The following PLEKHM2 variants were observed in gnomAD, a reference collection of about 807,000 sequenced individuals.
The protein encoded by PLEKHM2 is pleckstrin homology and RUN domain containing M2, also known as pleckstrin homology domain-containing family M member 2.
PLEKHM2 carries 77 observed loss-of-function variants against 116.3 expected under a neutral mutation model. The observed-to-expected ratio is 0.66, with a 90% CI of 0.55 to 0.80. The LOEUF is 0.80. PLEKHM2 is among the 30% of genes least tolerant of loss of function. PLEKHM2 has a pLI of 0.00. For synonymous variants in PLEKHM2, 562 were observed against 571.0 expected, an observed-to-expected ratio of 0.98 and a Z score of 0.22; for missense variants, 1,183 against 1,354.9, an observed-to-expected ratio of 0.87 and a Z score of 1.99.
intron 3 of PLEKHM2, among the ~76,000 whole-genome samples, chr1:15,717,179 G>A (rs1351979481): frequency 6.6e-6 from 1 of 152,202 alleles, no homozygotes; most frequent in Non-Finnish European, 1.5e-5. Flanking sequence ...GAGCCCCGGA[G>A]TTTGAGGCTG....
At chr1:15,709,426 G>A (rs1382634882) in intron 1 of PLEKHM2, among the ~76,000 whole-genome samples, 3 of 152,182 alleles carry the variant, frequency 2.0e-5, no homozygotes, top group African/African-American at 4.8e-5. Flanking sequence ...GAGTGCCACT[G>A]CTGTTTATTT....
intron 16 of PLEKHM2, among the ~76,000 whole-genome samples, chr1:15,731,460 T>G (rs2068142345): frequency 6.6e-6 from 1 of 152,094 alleles, no homozygotes; most frequent in South Asian, 2.1e-4. Context: ...AAGGAGCTCC[T>G]GGCTTAGAAC....
At chr1:15,694,348 C>CA (rs796565464) in intron 1 of PLEKHM2, among the ~76,000 whole-genome samples, 4,667 of 145,210 alleles carry the variant, frequency 0.032, 216 homozygotes, top group African/African-American at 0.1. Flanking sequence ...GACTCCATCT[C>CA]AAAAAAAAAA....
rs191378037 is a variant in PLEKHM2, at chr1:15,731,319, A to T, written c.2465+62A>T. On this transcript the variant is annotated intron_variant, in intron 16 of 19. Transcript: ENST00000375799. ...CCAGAGCTGCCGTTTCCCTGGTTTGAGATGGCTGCCCCTGTTGGCAGTTCA... is the reference window on the plus strand; with the variant it reads ...CCAGAGCTGCCGTTTCCCTGGTTTGTGATGGCTGCCCCTGTTGGCAGTTCA... 8.9e-5 allele frequency: 113 copies of T among 1,267,754 alleles called. No homozygotes were observed. The African/African-American group carries it at 1.4e-3, about 16-fold the overall frequency. 78.5% of individuals were successfully genotyped at this position (1,267,754 alleles called of 1,614,324 possible).
At chr1:15,686,953 A>T (rs6674904) in intron 1 of PLEKHM2, among the ~76,000 whole-genome samples, 14,575 of 151,570 alleles carry the variant, frequency 0.096, 952 homozygotes, top group African/African-American at 0.18. Context: ...CCCAGCGTCT[A>T]ATTTTTGTAT....
intron 1 of PLEKHM2, among the ~76,000 whole-genome samples, chr1:15,686,796 C>T (rs1017505889): frequency 2.0e-5 from 3 of 151,914 alleles, no homozygotes; most frequent in Admixed American, 6.6e-5. Flanking sequence ...CTATAAGCGC[C>T]GGCCACCACG....
chr1:15,715,358 C>T (rs1407444791), intron 1 of PLEKHM2, among the ~76,000 whole-genome samples: 4 of 151,616 alleles, frequency 2.6e-5, no homozygotes, highest in African/African-American at 9.7e-5. Flanking sequence ...TCAAAACAAA[C>T]AGGCCGGGCA....
Position 15,721,447 on chromosome 1 carries a change from T to C in PLEKHM2, c.712+59T>C. 1.0e-6 allele frequency: 1 copy of C among 1,001,136 alleles called. No homozygotes were observed. The allele number at this position is 1,001,136 out of a possible 1,614,324, so 62.0% of individuals were successfully genotyped here. A position where few individuals can be genotyped will look rare whatever the true frequency, so the allele number is the denominator to read the frequency against. On this transcript the variant is annotated intron_variant, in intron 7 of 19. Transcript: ENST00000375799. The surrounding 1 kb of genome is among the most constrained non-coding windows in gnomAD (Gnocchi z 5.1). Reference sequence around the variant, plus strand: ...GTTTTGCAATGTTTCCATGCCAAGCTTGCTGCATGTATCAAATCAGCTCCT... The same window carrying C: ...GTTTTGCAATGTTTCCATGCCAAGCCTGCTGCATGTATCAAATCAGCTCCT...
chr1:15,689,601 A>G (rs890829051), intron 1 of PLEKHM2, among the ~76,000 whole-genome samples: 3 of 152,220 alleles, frequency 2.0e-5, no homozygotes, highest in Non-Finnish European at 4.4e-5. Flanking sequence ...TAATGCTATA[A>G]TGATAATTCA....
rs144818032 is a variant in PLEKHM2 at position 15,700,335 on chromosome 1, A to G, written c.60+15717A>G. ...TGGCAGCTGATGTCCTGACTGCTTT[A>G]TCTCCAGGTGGGATGAAGCAGAAGG... On this transcript the variant is annotated intron_variant, in intron 1 of 19. Coordinates refer to ENST00000375799, the MANE Select transcript of PLEKHM2 (RefSeq NM_015164.4). Among the ~76,000 whole-genome samples, 3 of 152,156 alleles carry G rather than the reference A, an allele frequency of 2.0e-5. No individual in the cohort carries two copies. In the East Asian group the frequency reaches 5.8e-4, roughly 29 times the overall value.
chr1:15,719,685 C>T lies in PLEKHM2; in HGVS notation c.466-49C>T, dbSNP rs374258553. 42 of 1,358,860 alleles carry T rather than the reference C, an allele frequency of 3.1e-5. No individual in the cohort carries two copies. Among genetic ancestry groups the T allele is most frequent in the East Asian group, 1.2e-4 (5 of 42,842 alleles). 84.2% of individuals were successfully genotyped at this position (1,358,860 alleles called of 1,614,324 possible). On this transcript the variant is annotated intron_variant, in intron 5 of 19. Transcript: ENST00000375799. The surrounding 1 kb of genome is among the most constrained non-coding windows in gnomAD (Gnocchi z 4.1). The stretch of plus-strand genomic sequence containing the variant: ...CTGGATCCTGCTGTCTGCAGAAGGC[C>T]GCTGCACGAGGCCTCCCACCAAACG...
chr1:15,734,556 AGTGCCT>A lies in PLEKHM2; in HGVS notation c.*625_*630del, dbSNP rs1260824842. The A allele has an allele frequency of 6.6e-6, 1 of 152,380 alleles. No individual in the cohort carries two copies. Among genetic ancestry groups the A allele is most frequent in the East Asian group, 1.9e-4 (1 of 5,160 alleles). 9.4% of individuals were successfully genotyped at this position (152,380 alleles called of 1,614,324 possible). A position where few individuals can be genotyped will look rare whatever the true frequency, so the allele number is the denominator to read the frequency against. ...GCCCTGCCTGTCCCCTCAACCCGGCAGTGCCTGTAGCACCGAGGAGCAAAGGGGGTG... is the reference window on the plus strand; with the variant it reads ...GCCCTGCCTGTCCCCTCAACCCGGCAGTAGCACCGAGGAGCAAAGGGGGTG... On this transcript the variant is annotated 3_prime_UTR_variant, in exon 20 of 20. Transcript: ENST00000375799.
At chr1:15,701,917 G>A (rs112857204) in intron 1 of PLEKHM2, among the ~76,000 whole-genome samples, 9 of 152,314 alleles carry the variant, frequency 5.9e-5, no homozygotes, top group African/African-American at 1.9e-4. Context: ...AAGAGGCTGC[G>A]CCTGAAGCTG....
At chr1:15,713,906 G>A (rs531530235) in intron 1 of PLEKHM2, among the ~76,000 whole-genome samples, 1 of 150,302 alleles carries the variant, frequency 6.7e-6, no homozygotes, top group East Asian at 2.0e-4. Context: ...CCAAAGCGGT[G>A]GGATTACAGG....
Position 15,698,042 on chromosome 1 carries a change from A to G in PLEKHM2, c.60+13424A>G, listed in dbSNP as rs16851956. On this transcript the variant is annotated intron_variant, in intron 1 of 19. Transcript: ENST00000375799. ...ACCAAACTTGCTTAAAGATCGATGC[A>G]GTCCCATGGTGGATAAACCCTTTAT... 3.8e-3 allele frequency among the ~76,000 whole-genome samples: 583 copies of G among 151,626 alleles called. 10 individuals carry two copies. Among genetic ancestry groups the G allele is most frequent in the African/African-American group, 0.013 (551 of 40,884 alleles).
chr1:15,706,486 A>G (rs1571037594), intron 1 of PLEKHM2, among the ~76,000 whole-genome samples: 1 of 144,616 alleles, frequency 6.9e-6, no homozygotes, highest in East Asian at 1.9e-4. Context: ...GCTCACTGCA[A>G]CCTCTGCCTC....
At chr1:15,732,760 G>A (rs1271687930) in intron 19 of PLEKHM2, 32 bp downstream of exon 19, 2 of 1,450,912 alleles carry the variant, frequency 1.4e-6, no homozygotes, top group East Asian at 2.4e-5. Context: ...CCATTAGCCA[G>A]GGACCCTGTG....
rs547428777 is a variant in PLEKHM2, at chr1:15,727,182, C to A, written c.1110C>A (p.Ala370=). The change falls in exon 9 of 20, where the codon GCC becomes GCA. Residue 370 remains alanine (A), a synonymous_variant. Transcript: ENST00000375799. The surrounding 1 kb of genome is among the most constrained non-coding windows in gnomAD (Gnocchi z 7.5). ...LGRDSPDTML[A]SPQEEGEGPS... Reference sequence around the variant, plus strand: ...GGGACTCGCCAGACACTATGCTTGCCTCCCCCCAGGAGGAGGGAGAGGGGC... The same window carrying A: ...GGGACTCGCCAGACACTATGCTTGCATCCCCCCAGGAGGAGGGAGAGGGGC... 1 of 1,604,904 alleles carries A rather than the reference C, an allele frequency of 6.2e-7. No homozygotes were observed. Among genetic ancestry groups the A allele is most frequent in the Admixed American group, 1.7e-5 (1 of 59,228 alleles).
Position 15,729,724 on chromosome 1 carries a change from G to T in PLEKHM2, c.2076-73G>T, listed in dbSNP as rs1466718286. On this transcript the variant is annotated intron_variant, in intron 13 of 19. Coordinates refer to ENST00000375799, the MANE Select transcript of PLEKHM2 (RefSeq NM_015164.4). The surrounding 1 kb of genome is among the most constrained non-coding windows in gnomAD (Gnocchi z 4.7). ...TCTGTGACCCCTCCAGGCCAGCAGCGCTCAAGACTAAGCCCTGTCCAGTTG... is the reference window on the plus strand; with the variant it reads ...TCTGTGACCCCTCCAGGCCAGCAGCTCTCAAGACTAAGCCCTGTCCAGTTG... 17 of 1,391,798 alleles carry T rather than the reference G, an allele frequency of 1.2e-5. No individual in the cohort carries two copies. 86.2% of individuals were successfully genotyped at this position (1,391,798 alleles called of 1,614,324 possible).
Sources: gnomAD v4.1 joint callset for allele counts (sites outside exome capture counted in the v4.1 genomes callset) on GRCh38, gnomAD v4.1.1 for gene constraint, Gnocchi (gnomAD v3.1) non-coding constraint, MANE v1.5 for transcripts, NCBI Gene and HGNC (gene_info 2026-07-23, HGNC 2026-07-21) for gene names.